The following STXBP2 variants were observed in gnomAD, a reference collection of about 807,000 sequenced individuals.
STXBP2 encodes the protein syntaxin binding protein 2.
A neutral mutation model predicts 72.2 loss-of-function variants in STXBP2; 47 were observed. That is an observed-to-expected ratio of 0.65 (90% CI 0.51 to 0.83). The LOEUF is 0.83. Among genes scored for constraint, STXBP2 ranks in the 40% least tolerant of loss-of-function variants. STXBP2 has a pLI of 0.00. For synonymous variants in STXBP2, 367 were observed against 338.7 expected, an observed-to-expected ratio of 1.08 and a Z score of -0.92; for missense variants, 702 against 807.6, an observed-to-expected ratio of 0.87 and a Z score of 1.58.
intron 4 of STXBP2, 112 bp from the exon 5 acceptor site, chr19:7,640,619 C>T (rs752192433): frequency 1.4e-6 from 2 of 1,381,172 alleles, no homozygotes; most frequent in Non-Finnish European, 2.0e-6. Flanking sequence ...ATACATGTCC[C>T]CGTCCGTCCA....
At position 7,639,105 on chromosome 19, in the gene STXBP2, G is replaced by A. The variant is rs1446153839; in HGVS notation, c.169+5G>A. The stretch of plus-strand genomic sequence containing the variant: ...TCCTGGCTGAGGGCATCACCAGTGA[G>A]TGAACGCGTCCCCAGTGAGATGGGA... On this transcript the variant is annotated splice_donor_5th_base_variant and intron_variant, in intron 3 of 18. Coordinates refer to ENST00000221283, the MANE Select transcript of STXBP2 (RefSeq NM_006949.4). The A allele has an allele frequency of 6.2e-7, 1 of 1,614,122 alleles. No individual in the cohort carries two copies.
At chr19:7,645,150 G>T (rs781251398) in intron 14 of STXBP2, 47 bp from the exon 15 acceptor site, 21 of 1,542,482 alleles carry the variant, frequency 1.4e-5, no homozygotes, top group Non-Finnish European at 1.6e-5. Flanking sequence ...CTAAACCTGG[G>T]AGCTCACCTG....
intron 13 of STXBP2, chr19:7,644,261 G>A (rs560834525): frequency 9.3e-5 from 23 of 247,426 alleles, no homozygotes; most frequent in South Asian, 7.9e-4. Flanking sequence ...CCTCGGAGAG[G>A]TGGGACCTGG....
upstream of STXBP2, chr19:7,633,145 A>G (rs2031401793): frequency 5.2e-6 from 2 of 381,456 alleles, no homozygotes; most frequent in South Asian, 1.1e-4. Context: ...GAGCTGGGAC[A>G]CGAATCAGGG....
At chr19:7,630,884 G>A in the STXBP2 span, 9 of 1,536,956 alleles carry the variant, frequency 5.9e-6, 1 homozygote, top group East Asian at 1.2e-4. Flanking sequence ...GGATGGAGGA[G>A]GCTGGATTCT....
Position 7,640,754 on chromosome 19 carries a change from C to A in STXBP2, c.270C>A (p.Asp90Glu). 6.2e-7 allele frequency: 1 copy of A among 1,614,194 alleles called. No homozygotes were observed. Among genetic ancestry groups the A allele is most frequent in the Non-Finnish European group, 8.5e-7 (1 of 1,180,010 alleles). ...TEKSVQALIK[D>E]FQGTPTFTYK... The stretch of plus-strand genomic sequence containing the variant: ...AGTCGGTTCAGGCCCTGATCAAAGA[C>A]TTCCAGGGGACCCCGACTTTCACCT... Residue 90 changes from aspartate (D) to glutamate (E), a missense_variant, in exon 5 of 19, where the codon GAC (aspartate) becomes GAA (glutamate). By Grantham distance (45) the Asp-to-Glu change is conservative. Coordinates refer to ENST00000221283, the MANE Select transcript of STXBP2 (RefSeq NM_006949.4).
intron 12 of STXBP2, 40 bp downstream of exon 12, chr19:7,643,088 CT>C: frequency 6.2e-7 from 1 of 1,614,096 alleles, no homozygotes; most frequent in Non-Finnish European, 8.5e-7. Context: ...ACCTCGGCCC[CT>C]CAACCCCATG....
At chr19:7,633,092 G>A (rs1442296691), upstream of STXBP2, 33 of 1,154,466 alleles carry the variant, frequency 2.9e-5, no homozygotes, top group Non-Finnish European at 3.4e-5. Context: ...GCTCCGATGC[G>A]TGTCCCGCCG....
rs1414767497 is a variant in STXBP2, at chr19:7,642,113, G to A, written c.658G>A (p.Gly220Ser). The change falls in exon 8 of 19, where the codon GGC becomes AGC. Residue 220 changes from glycine to serine, a missense_variant. Transcript: ENST00000221283. This position sits in a 1 kb window ranked among gnomAD's most constrained non-coding sequence, Gnocchi z 6.0. ...CTTCAAGGCAGACACTCCCAGTCTG[G>A]GCGAGGTGAGGGGGCGTGCTTGGGA... is the stretch of plus-strand genomic sequence containing the variant. ...NAFKADTPSL[G>S]EGPEKTRSQL... The A allele has an allele frequency of 5.6e-6, 9 of 1,614,074 alleles. 1 individual carries two copies. The highest frequency in any genetic ancestry group is 1.6e-4 in the Middle Eastern group (1 of 6,062).
Position 7,647,868 on chromosome 19 carries a change from CT to C in STXBP2, c.*59del. 6.7e-7 allele frequency: 1 copy of C among 1,493,458 alleles called. No individual in the cohort carries two copies. Among genetic ancestry groups the C allele is most frequent in the Non-Finnish European group, 9.3e-7 (1 of 1,078,218 alleles). The allele number at this position is 1,493,458 out of a possible 1,614,324, so 92.5% of individuals were successfully genotyped here. A position where few individuals can be genotyped will look rare whatever the true frequency, so the allele number is the denominator to read the frequency against. ...AGAGAAATAAACTCTTCCCGTCGCT[CT>C]GCCAGCCAGTGCCTACCTCACCTTC... On this transcript the variant is annotated 3_prime_UTR_variant, in exon 19 of 19. Transcript: ENST00000221283.
At chr19:7,632,702 G>C, upstream of STXBP2, 4 of 1,552,442 alleles carry the variant, frequency 2.6e-6, no homozygotes, top group Non-Finnish European at 3.5e-6. This position sits in a 1 kb window ranked among gnomAD's most constrained non-coding sequence, Gnocchi z 5.2. Flanking sequence ...CAGCACCCCC[G>C]TGCCCATGCT....
chr19:7,636,101 T>G (rs2031520721), upstream of STXBP2, among the ~76,000 whole-genome samples: 1 of 152,128 alleles, frequency 6.6e-6, no homozygotes. Flanking sequence ...TCACATTAGT[T>G]TATTTCCTTT....
upstream of STXBP2, chr19:7,632,351 G>C (rs2146195822): frequency 6.2e-7 from 1 of 1,610,738 alleles, no homozygotes; most frequent in Non-Finnish European, 8.5e-7. This position sits in a 1 kb window ranked among gnomAD's most constrained non-coding sequence, Gnocchi z 5.2. Flanking sequence ...GGAGAGCACT[G>C]CCTGGCGGGT....
intron 4 of STXBP2, 182 bp from the exon 5 acceptor site, chr19:7,640,549 T>C: frequency 2.7e-6 from 2 of 728,076 alleles, no homozygotes; most frequent in South Asian, 1.5e-5. Context: ...TGTGCGTGCG[T>C]GCATCTGTGT....
the STXBP2 span, chr19:7,631,129 A>C: frequency 1.2e-6 from 1 of 828,326 alleles, no homozygotes; most frequent in Non-Finnish European, 1.8e-6. Flanking sequence ...AATCACTTGA[A>C]CCCAGGAGGT....
upstream of STXBP2, among the ~76,000 whole-genome samples, chr19:7,635,150 C>T (rs762155852): frequency 1.3e-5 from 2 of 152,180 alleles, no homozygotes; most frequent in African/African-American, 4.8e-5. Flanking sequence ...CTCTGTCCCC[C>T]CAAGGGGTCA....
chr19:7,646,366 TG>T, intron 16 of STXBP2, 22 bp downstream of exon 16: 1 of 1,585,596 alleles, frequency 6.3e-7, no homozygotes, highest in Non-Finnish European at 8.6e-7. Context: ...CAGGTCAGGG[TG>T]GGGGCCAGCC....
the STXBP2 span, chr19:7,629,943 C>CAAAAGGACTTCA: frequency 7.1e-7 from 1 of 1,401,400 alleles, no homozygotes; most frequent in Non-Finnish European, 9.4e-7. Flanking sequence ...GGGGGGACTT[C>CAAAAGGACTTCA]AAAGGAAGAG....
intron 6 of STXBP2, chr19:7,641,328 C>G: frequency 2.0e-6 from 1 of 494,834 alleles, no homozygotes; most frequent in Non-Finnish European, 3.7e-6. Flanking sequence ...TATGATTGCA[C>G]TGCTGCCCTC....
Sources: allele counts gnomAD v4.1 joint callset (sites outside exome capture counted in the v4.1 genomes callset), GRCh38; gene constraint gnomAD v4.1.1; non-coding constraint Gnocchi (gnomAD v3.1); transcripts MANE v1.5; gene names NCBI Gene and HGNC (gene_info 2026-07-23, HGNC 2026-07-21).